KIAA1217: variants seen among roughly 807,000 people sequenced by gnomAD.
KIAA1217 encodes KIAA1217, also known as sickle tail protein homolog.
KIAA1217 carries 88 observed loss-of-function variants against 163.9 expected under a neutral mutation model. That is an observed-to-expected ratio of 0.54 (90% CI 0.45 to 0.64). The LOEUF is 0.64. KIAA1217 is among the 30% of genes least tolerant of loss of function. The pLI is 0.00. For missense variants in KIAA1217, 2,372 were observed against 2,475.0 expected, an observed-to-expected ratio of 0.96 and a Z score of 0.88; for synonymous variants, 903 against 923.1, an observed-to-expected ratio of 0.98 and a Z score of 0.39.
chr10:24,073,741 T>G (rs1004940454), intron 2 of KIAA1217, among the ~76,000 whole-genome samples: 1 of 152,166 alleles, frequency 6.6e-6, no homozygotes, highest in African/African-American at 2.4e-5. Context: ...AGAGCAGAGC[T>G]GAGACCAACT....
intron 17 of KIAA1217, among the ~76,000 whole-genome samples, chr10:24,540,506 A>G (rs918534399): frequency 3.3e-5 from 5 of 152,170 alleles, no homozygotes; most frequent in African/African-American, 1.2e-4. Context: ...TGCTGGGATT[A>G]CAGGTGTGAG....
At chr10:24,116,145 G>A (rs937240466) in intron 2 of KIAA1217, among the ~76,000 whole-genome samples, 1 of 151,944 alleles carries the variant, frequency 6.6e-6, no homozygotes, top group Non-Finnish European at 1.5e-5. Flanking sequence ...GGGATCTTGG[G>A]GGTTCTACCC....
intron 1 of KIAA1217, among the ~76,000 whole-genome samples, chr10:23,970,942 CAGA>C (rs985285146): frequency 6.6e-6 from 1 of 152,094 alleles, no homozygotes. Flanking sequence ...GCAAGTTTTA[CAGA>C]AGGAGTGAAA....
chr10:24,311,618 G>T (rs10741050), intron 2 of KIAA1217, among the ~76,000 whole-genome samples: 88,562 of 151,910 alleles, frequency 0.58, 26,324 homozygotes, highest in Middle Eastern at 0.71. Context: ...CTTATTGCTG[G>T]AGGTAATCAC....
chr10:24,452,298 G>A (rs184755846), intron 5 of KIAA1217, among the ~76,000 whole-genome samples: 42 of 152,112 alleles, frequency 2.8e-4, no homozygotes, highest in Admixed American at 2.4e-3. Flanking sequence ...CTGCACCACC[G>A]GTGCTCCCTC....
intron 2 of KIAA1217, among the ~76,000 whole-genome samples, chr10:24,230,295 G>A (rs927125075): frequency 1.3e-5 from 2 of 152,006 alleles, no homozygotes; most frequent in Non-Finnish European, 2.9e-5. Flanking sequence ...TGAAATATCT[G>A]CATTATATAC....
rs112218056 is a variant in KIAA1217 at position 24,232,253 on chromosome 10, C to T, written c.354+12344C>T. On this transcript the variant is annotated intron_variant, in intron 2 of 20. Transcript: ENST00000376454. ...ACTTGCAAAATTGACGTACAGTTGA[C>T]GTTAATCACCCAGAATGCAGAAAAA... Among the ~76,000 whole-genome samples, 410 of 152,240 alleles carry T rather than the reference C, an allele frequency of 2.7e-3. 3 individuals are homozygous for T. The highest frequency in any genetic ancestry group is 9.2e-3 in the African/African-American group (383 of 41,534).
At chr10:23,799,876 CAG>C (rs1457846010) in intron 1 of KIAA1217, among the ~76,000 whole-genome samples, 2 of 152,210 alleles carry the variant, frequency 1.3e-5, no homozygotes, top group Non-Finnish European at 2.9e-5. Context: ...AGGCAGCAAA[CAG>C]GGGAGGGTTC....
intron 5 of KIAA1217, among the ~76,000 whole-genome samples, chr10:24,448,902 T>C (rs921716366): frequency 1.2e-4 from 19 of 152,176 alleles, no homozygotes; most frequent in African/African-American, 4.6e-4. Flanking sequence ...ATACAGACAA[T>C]AATCAATTAA....
intron 2 of KIAA1217, among the ~76,000 whole-genome samples, chr10:24,147,844 AAAAAAAAAAAAAAAAAAAG>A (rs1173847870): frequency 7.1e-6 from 1 of 141,006 alleles, no homozygotes; most frequent in Non-Finnish European, 1.6e-5. Flanking sequence ...AAAAAAAAAA[AAAAAAAAAAAAAAAAAAAG>A]AAAGAAAGAG....
At chr10:23,833,338 CAG>C (rs1838298811) in intron 1 of KIAA1217, among the ~76,000 whole-genome samples, 1 of 152,020 alleles carries the variant, frequency 6.6e-6, no homozygotes, top group African/African-American at 2.4e-5. Flanking sequence ...CCTCAGTCAG[CAG>C]AGTGTGACTG....
chr10:24,352,541 C>T (rs1034086282), intron 2 of KIAA1217, among the ~76,000 whole-genome samples: 5 of 152,088 alleles, frequency 3.3e-5, no homozygotes, highest in Non-Finnish European at 5.9e-5. Context: ...AATGTTCCAT[C>T]TGTTTAGACT....
chr10:24,537,395 G>A (rs2074186791), intron 17 of KIAA1217, among the ~76,000 whole-genome samples: 1 of 152,030 alleles, frequency 6.6e-6, no homozygotes, highest in African/African-American at 2.4e-5. Context: ...GGCCAACATG[G>A]TGAAACCCCA....
chr10:23,902,522 T>G (rs1841999309), intron 1 of KIAA1217, among the ~76,000 whole-genome samples: 1 of 152,036 alleles, frequency 6.6e-6, no homozygotes. Flanking sequence ...ATTCTTTGCA[T>G]GTGGTGAATT....
chr10:24,507,316 A>T (rs538837205), intron 9 of KIAA1217, among the ~76,000 whole-genome samples: 1 of 152,340 alleles, frequency 6.6e-6, no homozygotes, highest in South Asian at 2.1e-4. Flanking sequence ...GACAAATGTG[A>T]CCTATAACAT....
intron 20 of KIAA1217, chr10:24,545,437 C>G: frequency 7.7e-7 from 1 of 1,290,998 alleles, no homozygotes; most frequent in Non-Finnish European, 9.8e-7. Context: ...TGTGGTTGAA[C>G]TGCCCTTAAC....
At position 24,546,302 on chromosome 10, in the gene KIAA1217, C is replaced by T. The variant is rs772462017; in HGVS notation, c.5810C>T (p.Ser1937Phe). 2 of 1,603,886 alleles carry T rather than the reference C, an allele frequency of 1.2e-6. No individual in the cohort carries two copies. The highest frequency in any genetic ancestry group is 1.3e-5 in the African/African-American group (1 of 74,434). The change falls in exon 21 of 21, where the codon TCC becomes TTC. Residue 1937 changes from serine (S) to phenylalanine (F), a missense_variant. By Grantham distance (155) the Ser-to-Phe change is radical. Coordinates refer to ENST00000376454, the MANE Select transcript of KIAA1217 (RefSeq NM_019590.5). ...GGAAGTTCAAGCAAAGCCACCCCATCCACAGCAAAAGAAACCTCTTAAAGG... is the reference window on the plus strand; with the variant it reads ...GGAAGTTCAAGCAAAGCCACCCCATTCACAGCAAAAGAAACCTCTTAAAGG... Reference protein sequence around the residue: ...QNGSSSKATPSTAKETS With the variant: ...QNGSSSKATPFTAKETS
chr10:24,411,482 T>C (rs1383267087), intron 3 of KIAA1217, among the ~76,000 whole-genome samples: 1 of 152,244 alleles, frequency 6.6e-6, no homozygotes, highest in African/African-American at 2.4e-5. Context: ...CTTGGTTGAT[T>C]ATTTTACAAT....
chr10:23,804,033 A>G (rs1356972158), intron 1 of KIAA1217, among the ~76,000 whole-genome samples: 1 of 152,236 alleles, frequency 6.6e-6, no homozygotes, highest in Non-Finnish European at 1.5e-5. Flanking sequence ...TATATACATC[A>G]TCATATAAAT....
Sources: gnomAD v4.1 joint callset for allele counts (sites outside exome capture counted in the v4.1 genomes callset) on GRCh38, gnomAD v4.1.1 for gene constraint, MANE v1.5 for transcripts, NCBI Gene and HGNC (gene_info 2026-07-23, HGNC 2026-07-21) for gene names.